UBE4B: variants seen among roughly 807,000 people sequenced by gnomAD.
UBE4B encodes the protein ubiquitination factor E4B.
In UBE4B, 27 loss-of-function variants were observed where a neutral mutation model predicts 148.1. That is an observed-to-expected ratio of 0.18 (90% CI 0.13 to 0.25). UBE4B has a LOEUF of 0.25. Among genes scored for constraint, UBE4B ranks in the 10% least tolerant of loss-of-function variants. UBE4B has a pLI of 1.00. For missense variants in UBE4B, 1,170 were observed against 1,662.4 expected, an observed-to-expected ratio of 0.70 and a Z score of 5.15; for synonymous variants, 596 against 619.3, an observed-to-expected ratio of 0.96 and a Z score of 0.56.
rs1646108071 is a variant in UBE4B, at chr1:10,158,443, A to G, written c.3014A>G (p.Gln1005Arg). 1.2e-6 allele frequency: 2 copies of G among 1,614,100 alleles called. No individual in the cohort carries two copies. Among genetic ancestry groups the G allele is most frequent in the Admixed American group, 1.7e-5 (1 of 59,990 alleles). Residue 1005 changes from glutamine (Q) to arginine (R), a missense_variant, in exon 22 of 28, where the codon CAA becomes CGA. This residue lies in a region of UBE4B where 348 missense variants were observed against 627.2 expected (regional missense o/e 0.55). Transcript: ENST00000343090. ...HISTIFKSLW[Q>R]NIAHHGTFME... ...AGCACCATTTTTAAAAGCCTTTGGC[A>G]AAACATAGCTCACCATGGCACCTTT...
Position 10,083,712 on chromosome 1 carries a change from G to A in UBE4B, c.211+11498G>A, listed in dbSNP as rs184655805. On this transcript the variant is annotated intron_variant, in intron 2 of 27. Transcript: ENST00000343090. ...CCCTAAAAGGCTACTGAGTTCAGGA[G>A]GCTCCTAGAAGAGGTTGAAATCCTT... Among the ~76,000 whole-genome samples, 21 of 152,242 alleles carry A rather than the reference G, an allele frequency of 1.4e-4. 1 individual carries two copies. Among genetic ancestry groups the A allele is most frequent in the Admixed American group, 3.9e-4 (6 of 15,278 alleles).
chr1:10,168,065 A>G lies in UBE4B; in HGVS notation c.3199-71A>G, dbSNP rs1646281232. On this transcript the variant is annotated intron_variant, in intron 23 of 27. Transcript: ENST00000343090. This position sits in a 1 kb window ranked among gnomAD's most constrained non-coding sequence, Gnocchi z 4.9. Reference sequence around the variant, plus strand: ...TGGGTTTATCACGCACTTTCCAGTTATGTGCTTGGCGCTTTGCTGAGCTGA... The same window carrying G: ...TGGGTTTATCACGCACTTTCCAGTTGTGTGCTTGGCGCTTTGCTGAGCTGA... 2.0e-6 allele frequency: 3 copies of G among 1,529,486 alleles called. No homozygotes were observed. The highest frequency in any genetic ancestry group is 2.6e-6 in the Non-Finnish European group (3 of 1,135,692). 94.7% of individuals were successfully genotyped at this position (1,529,486 alleles called of 1,614,324 possible).
At chr1:10,175,746 AT>A (rs1646419885) in intron 25 of UBE4B, among the ~76,000 whole-genome samples, 1 of 152,188 alleles carries the variant, frequency 6.6e-6, no homozygotes, top group Non-Finnish European at 1.5e-5. Flanking sequence ...TTCCTAAGTA[AT>A]TGCTCCCTCC....
intron 2 of UBE4B, among the ~76,000 whole-genome samples, chr1:10,089,316 G>GT (rs1644811974): frequency 6.6e-6 from 1 of 151,996 alleles, no homozygotes; most frequent in Non-Finnish European, 1.5e-5. Flanking sequence ...AGAACAAAAT[G>GT]TTTTTATCAG....
chr1:10,059,309 A>G (rs1039370990), intron 1 of UBE4B: 122 of 157,158 alleles, frequency 7.8e-4, no homozygotes, highest in African/African-American at 2.7e-3. Flanking sequence ...AGCAGCAAGG[A>G]TTGCTGGTGG....
In UBE4B at chr1:10,034,359, A is replaced by T. The variant is rs554699922; in HGVS notation, c.24+665A>T. On this transcript the variant is annotated intron_variant, in intron 1 of 27. Coordinates refer to ENST00000343090, the MANE Select transcript of UBE4B (RefSeq NM_001105562.3). ...TTGTGTTTTGCTGTAGCAGAGACTG[A>T]ACGGGAAGCAAGTGGAAGCAAATGA... 8.5e-5 allele frequency among the ~76,000 whole-genome samples: 13 copies of T among 152,260 alleles called. No individual in the cohort carries two copies. In the South Asian group the frequency reaches 2.7e-3, roughly 32 times the overall value.
At chr1:10,144,048 A>G (rs1645826164) in intron 17 of UBE4B, among the ~76,000 whole-genome samples, 1 of 152,162 alleles carries the variant, frequency 6.6e-6, no homozygotes, top group Non-Finnish European at 1.5e-5. Flanking sequence ...TACACACAAC[A>G]TCATGATAGA....
chr1:10,052,239 T>A (rs1351119346), intron 1 of UBE4B, among the ~76,000 whole-genome samples: 1 of 151,898 alleles, frequency 6.6e-6, no homozygotes, highest in East Asian at 1.9e-4. Context: ...GCTGATTTTT[T>A]AATTTTTTTT....
intron 23 of UBE4B, among the ~76,000 whole-genome samples, chr1:10,164,495 G>A (rs1295081970): frequency 6.6e-6 from 1 of 152,176 alleles, no homozygotes; most frequent in Non-Finnish European, 1.5e-5. Flanking sequence ...GATTATAGTT[G>A]TGAGCCACCA....
intron 1 of UBE4B, among the ~76,000 whole-genome samples, chr1:10,040,709 C>G (rs540494304): frequency 9.5e-4 from 145 of 152,082 alleles, no homozygotes; most frequent in Admixed American, 2.2e-3. Context: ...CCTCTGCCTC[C>G]CAGGTTCAAG....
intron 17 of UBE4B, among the ~76,000 whole-genome samples, chr1:10,139,133 C>T (rs778384074): frequency 4.6e-5 from 7 of 152,216 alleles, no homozygotes; most frequent in Non-Finnish European, 8.8e-5. Flanking sequence ...CAGTGGCTTA[C>T]GCCTGTAATC....
chr1:10,096,551 T>C (rs1279480263), intron 3 of UBE4B, among the ~76,000 whole-genome samples: 1 of 151,930 alleles, frequency 6.6e-6, no homozygotes, highest in Non-Finnish European at 1.5e-5. Context: ...GGAAACCCTG[T>C]TGCTACTAAA....
chr1:10,041,044 G>T (rs1643743230), intron 1 of UBE4B, among the ~76,000 whole-genome samples: 2 of 152,162 alleles, frequency 1.3e-5, no homozygotes, highest in South Asian at 4.1e-4. Context: ...TTAAGCCTGG[G>T]AGGACAGTGG....
At chr1:10,178,857 G>C in intron 26 of UBE4B, 39 bp downstream of exon 26, 1 of 1,551,482 alleles carries the variant, frequency 6.4e-7, no homozygotes, top group South Asian at 1.2e-5. Flanking sequence ...TTTCTTTTGA[G>C]TTAACTGGAA....
rs1462075464 is a variant in UBE4B, at chr1:10,072,431, C to T, written c.211+217C>T. ...CCAATTGCTTTTCTTTCCATAACTT[C>T]CATCTTTTTTTTTTTCAAACAGGTT... On this transcript the variant is annotated intron_variant, in intron 2 of 27. Coordinates refer to ENST00000343090, the MANE Select transcript of UBE4B (RefSeq NM_001105562.3). The T allele has an allele frequency of 7.5e-6, 5 of 669,884 alleles. No homozygotes were observed. In the East Asian group the frequency reaches 8.4e-5, roughly 11 times the overall value. The allele number at this position is 669,884 out of a possible 1,614,324, so 41.5% of individuals were successfully genotyped here. A position where few individuals can be genotyped will look rare whatever the true frequency, so the allele number is the denominator to read the frequency against.
chr1:10,124,018 A>T (rs1001290549), intron 10 of UBE4B, among the ~76,000 whole-genome samples: 1 of 151,464 alleles, frequency 6.6e-6, no homozygotes, highest in Non-Finnish European at 1.5e-5. Flanking sequence ...CAGGTGATCC[A>T]CCCGCCTCAG....
chr1:10,167,143 A>G (rs1290514532), intron 23 of UBE4B, among the ~76,000 whole-genome samples: 1 of 151,132 alleles, frequency 6.6e-6, no homozygotes, highest in Non-Finnish European at 1.5e-5. Context: ...AAAAAAAATA[A>G]CAATAATAAT....
intron 1 of UBE4B, among the ~76,000 whole-genome samples, chr1:10,061,340 C>T (rs552142552): frequency 8.6e-4 from 131 of 152,072 alleles, no homozygotes; most frequent in African/African-American, 3.1e-3. Flanking sequence ...CTACAACCTC[C>T]GTTTCCTGGG....
At chr1:10,112,850 C>T (rs1380610125) in intron 7 of UBE4B, among the ~76,000 whole-genome samples, 3 of 152,144 alleles carry the variant, frequency 2.0e-5, no homozygotes, top group Non-Finnish European at 4.4e-5. Flanking sequence ...TACTTGTGAT[C>T]ATGATTTACT....
Sources: allele counts gnomAD v4.1 joint callset (sites outside exome capture counted in the v4.1 genomes callset), GRCh38; gene constraint gnomAD v4.1.1; regional missense constraint gnomAD v4.1.1; non-coding constraint Gnocchi (gnomAD v3.1); transcripts MANE v1.5; gene names NCBI Gene and HGNC (gene_info 2026-07-23, HGNC 2026-07-21).